Variants in KALRN observed in about 807,000 individuals in gnomAD.
KALRN encodes the protein kalirin.
Under a neutral mutation model 353.7 loss-of-function variants are expected in KALRN, and 70 were observed. The observed-to-expected ratio is 0.20, with a 90% CI of 0.16 to 0.24. The LOEUF (loss-of-function observed/expected upper bound fraction) is 0.24. Ranked by LOEUF, KALRN falls within the 10% of genes least tolerant of loss-of-function variation. The pLI is 1.00. For missense variants in KALRN, 2,791 were observed against 3,756.7 expected (o/e 0.74, Z 6.72); for synonymous variants, 1,391 against 1,434.8 (o/e 0.97, Z 0.69).
chr3:124,057,980 C>A (rs1267965202), intron 1 of KALRN, among the ~76,000 whole-genome samples: 2 of 152,198 alleles, frequency 1.3e-5, no homozygotes, highest in Non-Finnish European at 2.9e-5. Context: ...TACAGTTCCA[C>A]AATTATGGCA....
At chr3:124,273,168 GCTGCCTCT>G (rs1481463818) in intron 5 of KALRN, among the ~76,000 whole-genome samples, 2 of 152,198 alleles carry the variant, frequency 1.3e-5, no homozygotes, top group Admixed American at 6.5e-5. Flanking sequence ...GGGGAGTGAA[GCTGCCTCT>G]CACTTATTCC....
chr3:124,077,992 T>C (rs2060345891), intron 1 of KALRN, among the ~76,000 whole-genome samples: 1 of 152,196 alleles, frequency 6.6e-6, no homozygotes, highest in African/African-American at 2.4e-5. Flanking sequence ...ATAAATGAGA[T>C]CATGAATGTA....
chr3:124,360,411 A>C (rs530594636), intron 10 of KALRN, among the ~76,000 whole-genome samples: 1 of 152,342 alleles, frequency 6.6e-6, no homozygotes, highest in African/African-American at 2.4e-5. Flanking sequence ...AAAGAAGTAG[A>C]GAGACACTAT....
At chr3:124,189,425 A>T in intron 1 of KALRN, among the ~76,000 whole-genome samples, 1 of 152,332 alleles carries the variant, frequency 6.6e-6, no homozygotes, top group East Asian at 1.9e-4. Context: ...AAAAAGGGAC[A>T]TGAAGGCAGC....
At chr3:124,097,513 C>T (rs2061534551) in intron 1 of KALRN, among the ~76,000 whole-genome samples, 1 of 152,154 alleles carries the variant, frequency 6.6e-6, no homozygotes, top group Admixed American at 6.5e-5. Context: ...GAGTTTATCC[C>T]AGGAAATTGA....
rs1021354866 is a variant in KALRN, at chr3:124,496,481, C to A, written c.4935+68C>A. 53 of 1,157,614 alleles carry A rather than the reference C, an allele frequency of 4.6e-5. No individual in the cohort carries two copies. In the African/African-American group the frequency reaches 7.6e-4, roughly 17 times the overall value. The allele number at this position is 1,157,614 out of a possible 1,614,324, so 71.7% of individuals were successfully genotyped here. On this transcript the variant is annotated intron_variant, in intron 33 of 59. Coordinates refer to ENST00000682506, the MANE Select transcript of KALRN (RefSeq NM_001388419.1). The stretch of plus-strand genomic sequence containing the variant: ...TGGCTCAACCACCCCTGGAGAGGTA[C>A]CCCTAGAGAATTTCTCTCACTATGG...
chr3:124,444,333 G>A (rs1314983146), intron 19 of KALRN, among the ~76,000 whole-genome samples: 1 of 152,248 alleles, frequency 6.6e-6, no homozygotes, highest in African/African-American at 2.4e-5. Flanking sequence ...AAGTCTGCAA[G>A]TACATTTCAA....
chr3:124,077,917 C>G (rs555832187), intron 1 of KALRN, among the ~76,000 whole-genome samples: 1 of 152,340 alleles, frequency 6.6e-6, no homozygotes, highest in African/African-American at 2.4e-5. Context: ...GGGCAGTTTT[C>G]TTGACTTCTG....
chr3:124,584,329 G>A (rs6797006), intron 34 of KALRN, among the ~76,000 whole-genome samples: 37,908 of 152,060 alleles, frequency 0.25, 4,885 homozygotes, highest in East Asian at 0.33. Context: ...GTGAGGCTGC[G>A]AGGAAGAAAA....
intron 3 of KALRN, 47 bp downstream of exon 3, chr3:124,234,990 G>A: frequency 7.2e-7 from 1 of 1,384,366 alleles, no homozygotes; most frequent in Non-Finnish European, 1.0e-6. Flanking sequence ...GGGGAGCTGG[G>A]CTGATGCCAG....
chr3:124,125,860 A>G (rs1452376316), intron 1 of KALRN, among the ~76,000 whole-genome samples: 1 of 152,164 alleles, frequency 6.6e-6, no homozygotes, highest in Non-Finnish European at 1.5e-5. Context: ...CTGCTTAATT[A>G]GGAGTGGGCT....
chr3:124,170,831 C>CTTTTTTTTTTTTTTTTT (rs752783614), intron 1 of KALRN, among the ~76,000 whole-genome samples: 1 of 47,118 alleles, frequency 2.1e-5, no homozygotes, highest in African/African-American at 8.0e-5. Flanking sequence ...CTTCCACATT[C>CTTTTTTTTTTTTTTTTT]TTTTTTTTTT....
intron 49 of KALRN, among the ~76,000 whole-genome samples, chr3:124,676,833 G>A (rs537504692): frequency 6.6e-6 from 1 of 152,296 alleles, no homozygotes; most frequent in South Asian, 2.1e-4. Context: ...TTCTATGGCT[G>A]GTTCTCACTT....
At chr3:124,386,370 A>G (rs2088313297) in intron 11 of KALRN, among the ~76,000 whole-genome samples, 2 of 152,136 alleles carry the variant, frequency 1.3e-5, no homozygotes, top group Admixed American at 1.3e-4. Flanking sequence ...GTATGAATGA[A>G]CAGGAGTCAT....
At chr3:124,374,656 G>T (rs2086332317) in intron 10 of KALRN, among the ~76,000 whole-genome samples, 1 of 152,006 alleles carries the variant, frequency 6.6e-6, no homozygotes, top group Non-Finnish European at 1.5e-5. Context: ...AAATCCACAA[G>T]CCCCACAGTT....
At chr3:124,452,396 ATACT>A (rs1177608664) in intron 21 of KALRN, among the ~76,000 whole-genome samples, 2 of 152,220 alleles carry the variant, frequency 1.3e-5, no homozygotes, top group Non-Finnish European at 2.9e-5. Context: ...ATAAGATATA[ATACT>A]TACCTTTTAG....
intron 1 of KALRN, among the ~76,000 whole-genome samples, chr3:124,133,988 C>G (rs986128765): frequency 6.6e-6 from 1 of 152,136 alleles, no homozygotes; most frequent in Non-Finnish European, 1.5e-5. Flanking sequence ...CAATCCCCAT[C>G]AAAATACCAC....
At chr3:124,063,604 G>C (rs1467919711) in intron 1 of KALRN, among the ~76,000 whole-genome samples, 5 of 152,218 alleles carry the variant, frequency 3.3e-5, no homozygotes, top group Non-Finnish European at 7.3e-5. Flanking sequence ...TCAGTATTTA[G>C]CAAGATGTTA....
At chr3:124,160,219 A>T (rs759014826) in intron 1 of KALRN, among the ~76,000 whole-genome samples, 6 of 151,402 alleles carry the variant, frequency 4.0e-5, no homozygotes, top group Non-Finnish European at 7.4e-5. Context: ...AGAAAAGCAG[A>T]CCATGTCTTC....
Sources: gnomAD v4.1 joint callset for allele counts (sites outside exome capture counted in the v4.1 genomes callset) on GRCh38, gnomAD v4.1.1 for gene constraint, MANE v1.5 for transcripts, NCBI Gene and HGNC (gene_info 2026-07-23, HGNC 2026-07-21) for gene names.